The following TTLL13 variants were observed in gnomAD, a reference collection of about 807,000 sequenced individuals.
TTLL13 encodes the protein tubulin polyglutamylase TTLL13.
chr15:90,265,433 C>T, the TTLL13 span: 1 of 1,303,414 alleles, frequency 7.7e-7, no homozygotes, highest in Non-Finnish European at 9.7e-7. Flanking sequence ...AGGGACGGCT[C>T]TTGGAAACGG....
At chr15:90,256,591 TTC>T in the TTLL13 span, among the ~76,000 whole-genome samples, 61 of 38,650 alleles carry the variant, frequency 1.6e-3, no homozygotes, top group Admixed American at 2.4e-3. Flanking sequence ...CTTTCTTTCT[TTC>T]TTTCTTTCTT....
At chr15:90,252,151 T>C in the TTLL13 span, among the ~76,000 whole-genome samples, 1 of 151,094 alleles carries the variant, frequency 6.6e-6, no homozygotes. Flanking sequence ...GCGATTCTCC[T>C]GCCTCAGCCT....
chr15:90,252,654 G>C, the TTLL13 span, among the ~76,000 whole-genome samples: 8 of 152,132 alleles, frequency 5.3e-5, no homozygotes, highest in Non-Finnish European at 1.2e-4. Flanking sequence ...GTGCCAGTGT[G>C]ACCCCACCTA....
the TTLL13 span, chr15:90,258,174 T>C: frequency 6.2e-7 from 1 of 1,614,236 alleles, no homozygotes; most frequent in African/African-American, 1.3e-5. Context: ...CCGAACCTGT[T>C]TTCCCCAGTA....
At chr15:90,265,201 T>A in the TTLL13 span, 1 of 1,344,390 alleles carries the variant, frequency 7.4e-7, no homozygotes. Flanking sequence ...AGCCATGTAC[T>A]CATTTCTGCT....
At chr15:90,253,341 C>A in the TTLL13 span, 1 of 1,613,182 alleles carries the variant, frequency 6.2e-7, no homozygotes, top group Admixed American at 1.7e-5. Flanking sequence ...CTCACTGGAA[C>A]GAGTCATGGA....
At chr15:90,264,809 C>A in the TTLL13 span, 1 of 1,536,142 alleles carries the variant, frequency 6.5e-7, no homozygotes, top group Non-Finnish European at 8.7e-7. Context: ...GGGCTATTTT[C>A]TGCAACCGGA....
chr15:90,256,124 G>A, the TTLL13 span: 1 of 1,612,424 alleles, frequency 6.2e-7, no homozygotes, highest in South Asian at 1.1e-5. Context: ...TTTTGACCAG[G>A]CCCTCTCTGC....
At chr15:90,262,863 GA>G in the TTLL13 span, 1 of 1,334,612 alleles carries the variant, frequency 7.5e-7, no homozygotes, top group East Asian at 2.5e-5. Context: ...CTGGGTCAGG[GA>G]AGGGATGAGG....
the TTLL13 span, chr15:90,262,538 T>G: frequency 6.5e-7 from 1 of 1,529,608 alleles, no homozygotes; most frequent in South Asian, 1.2e-5. Flanking sequence ...GCAGGAGACC[T>G]CGGGCACTAA....
At chr15:90,262,540 G>A in the TTLL13 span, 18 of 1,529,680 alleles carry the variant, frequency 1.2e-5, no homozygotes, top group African/African-American at 5.5e-5. Flanking sequence ...AGGAGACCTC[G>A]GGCACTAAGA....
At chr15:90,257,282 G>A in the TTLL13 span, 2 of 1,610,578 alleles carry the variant, frequency 1.2e-6, no homozygotes, top group South Asian at 1.1e-5. Flanking sequence ...TAACAACCTG[G>A]TAAGGGGACT....
At chr15:90,261,797 C>A in the TTLL13 span, among the ~76,000 whole-genome samples, 5 of 152,154 alleles carry the variant, frequency 3.3e-5, no homozygotes, top group Admixed American at 1.3e-4. Context: ...AAAAGAAAAG[C>A]AAATCAGATT....
the TTLL13 span, chr15:90,258,786 A>G: frequency 6.2e-7 from 1 of 1,614,190 alleles, no homozygotes; most frequent in Non-Finnish European, 8.5e-7. Flanking sequence ...TGCCTTGATC[A>G]AGAAGTAAAG....
chr15:90,250,296 G>A, the TTLL13 span, among the ~76,000 whole-genome samples: 45 of 152,222 alleles, frequency 3.0e-4, no homozygotes, highest in South Asian at 1.0e-3. Context: ...TCCCAATTAG[G>A]AACAAAAGAG....
the TTLL13 span, chr15:90,262,335 T>C: frequency 8.7e-7 from 1 of 1,147,432 alleles, no homozygotes; most frequent in Non-Finnish European, 1.2e-6. Flanking sequence ...GTGACTCTTT[T>C]CAGTTTAGTA....
chr15:90,254,491 TAAA>T, the TTLL13 span, among the ~76,000 whole-genome samples: 2 of 84,198 alleles, frequency 2.4e-5, no homozygotes. Flanking sequence ...AGACTCCATC[TAAA>T]AAAAAAAAAA....
At chr15:90,264,590 G>A in the TTLL13 span, 1 of 1,048,066 alleles carries the variant, frequency 9.5e-7, no homozygotes, top group Non-Finnish European at 1.4e-6. Context: ...ACAATACAGT[G>A]TGGGAAAGAC....
chr15:90,257,654 C>T, the TTLL13 span: 21 of 1,614,032 alleles, frequency 1.3e-5, no homozygotes, highest in African/African-American at 2.3e-4. Flanking sequence ...TCTGCATGCA[C>T]CTGACCAACT....
Sources: gnomAD v4.1 joint callset for allele counts (sites outside exome capture counted in the v4.1 genomes callset) on GRCh38, gnomAD v4.1.1 for gene constraint, MANE v1.5 for transcripts, NCBI Gene and HGNC (gene_info 2026-07-23, HGNC 2026-07-21) for gene names.